CIT: variants seen among roughly 807,000 people sequenced by gnomAD.
CIT encodes the protein citron rho-interacting serine/threonine kinase, also known as citron Rho-interacting kinase.
CIT carries 79 observed loss-of-function variants against 272.7 expected under a neutral mutation model. The observed-to-expected ratio is 0.29, with a 90% CI of 0.24 to 0.35. CIT has a LOEUF of 0.35. Among genes scored for constraint, CIT ranks in the 10% least tolerant of loss-of-function variants. The pLI is 1.00. For synonymous variants in CIT, 948 were observed against 995.6 expected, an observed-to-expected ratio of 0.95 and a Z score of 0.90; for missense variants, 1,909 against 2,618.3, an observed-to-expected ratio of 0.73 and a Z score of 5.91.
rs1182688384 is a variant in CIT at position 119,805,314 on chromosome 12, TCA to T, written c.1112-1927_1112-1926del. Among the ~76,000 whole-genome samples, 5 of 152,344 alleles carry T rather than the reference TCA, an allele frequency of 3.3e-5. No homozygotes were observed. The East Asian group carries it at 9.6e-4, about 29-fold the overall frequency. The stretch of plus-strand genomic sequence containing the variant: ...GTAAGTCACTTAACCTCTCTGAACC[TCA>T]GTTTTCAACATGGCAATATCTATTT... On this transcript the variant is annotated intron_variant, in intron 9 of 47. Coordinates refer to ENST00000392521, the MANE Select transcript of CIT (RefSeq NM_001206999.2).
intron 10 of CIT, among the ~76,000 whole-genome samples, chr12:119,802,754 C>A (rs148265233): frequency 5.5e-4 from 84 of 152,314 alleles, no homozygotes; most frequent in South Asian, 1.0e-3. Context: ...AAACCTCTAG[C>A]TTATGAGACA....
chr12:119,742,514 T>C, intron 23 of CIT, 50 bp from the exon 24 acceptor site: 1 of 1,410,646 alleles, frequency 7.1e-7, no homozygotes, highest in Non-Finnish European at 9.9e-7. Context: ...AGAATACAAT[T>C]CTACATGCTA....
At chr12:119,803,612 G>A in intron 9 of CIT, 1 of 389,590 alleles carries the variant, frequency 2.6e-6, no homozygotes, top group Non-Finnish European at 4.6e-6. Flanking sequence ...TCCCGCCTGG[G>A]GTAAACTGAA....
rs1593443819 is a variant in CIT at position 119,713,837 on chromosome 12, G to C, written c.4307-189C>G. ...CAGAAAGGGAAAACAAAAGTGCCAAGTGCTCTTGACCCAGTTTTCCAGGCT... is the reference window on the plus strand; with the variant it reads ...CAGAAAGGGAAAACAAAAGTGCCAACTGCTCTTGACCCAGTTTTCCAGGCT... On this transcript the variant is annotated intron_variant, in intron 33 of 47. Coordinates refer to ENST00000392521, the MANE Select transcript of CIT (RefSeq NM_001206999.2). This position sits in a 1 kb window ranked among gnomAD's most constrained non-coding sequence, Gnocchi z 5.2. 9.2e-6 allele frequency: 6 copies of C among 650,130 alleles called. No homozygotes were observed. The highest frequency in any genetic ancestry group is 1.6e-5 in the Non-Finnish European group (6 of 378,366). The allele number at this position is 650,130 out of a possible 1,614,324, so 40.3% of individuals were successfully genotyped here.
At chr12:119,793,797 C>T (rs1347789124) in intron 10 of CIT, among the ~76,000 whole-genome samples, 1 of 152,202 alleles carries the variant, frequency 6.6e-6, no homozygotes, top group Non-Finnish European at 1.5e-5. Context: ...GTTACTTCTC[C>T]AGTGCCTAGA....
intron 16 of CIT, 111 bp downstream of exon 16, chr12:119,775,675 C>A: frequency 1.3e-6 from 1 of 779,740 alleles, no homozygotes; most frequent in Non-Finnish European, 2.2e-6. Flanking sequence ...TTTTCCTCAG[C>A]GCTGGGTGAC....
intron 28 of CIT, among the ~76,000 whole-genome samples, chr12:119,725,098 A>T (rs953309458): frequency 6.6e-6 from 1 of 152,058 alleles, no homozygotes; most frequent in Non-Finnish European, 1.5e-5. Flanking sequence ...AATTCTTTCA[A>T]TTCTGAGACT....
intron 24 of CIT, among the ~76,000 whole-genome samples, chr12:119,740,421 T>G (rs1303146860): frequency 1.2e-4 from 18 of 152,190 alleles, no homozygotes; most frequent in Non-Finnish European, 2.6e-4. Context: ...TTGGATAACC[T>G]TATTATCCAA....
At position 119,803,368 on chromosome 12, in the gene CIT, G is replaced by A. The variant is rs770112354; in HGVS notation, c.1133C>T (p.Thr378Ile). ...GGAGGTGTCATCGTCAGACTTGAGG[G>A]TGGGAACGAAGGGGGGAGGAGCTGG... is the stretch of plus-strand genomic sequence containing the variant. ...IRNSPPPFVPTLKSDDDTSNF... is the reference protein window; with the variant it reads ...IRNSPPPFVPILKSDDDTSNF... The change falls in exon 10 of 48, where the codon ACC becomes ATC. Residue 378 changes from threonine (T) to isoleucine (I), a missense_variant. Transcript: ENST00000392521. 23 of 1,580,920 alleles carry A rather than the reference G, an allele frequency of 1.5e-5. No homozygotes were observed. Among genetic ancestry groups the A allele is most frequent in the African/African-American group, 2.8e-5 (2 of 72,360 alleles).
chr12:119,869,060 A>G lies in CIT; in HGVS notation c.238T>C (p.Tyr80His), dbSNP rs1391817869. The G allele has an allele frequency of 2.5e-6, 4 of 1,608,494 alleles. No individual in the cohort carries two copies. Among genetic ancestry groups the G allele is most frequent in the Admixed American group, 1.7e-5 (1 of 57,610 alleles). Residue 80 changes from tyrosine (Y) to histidine (H), a missense_variant and splice_region_variant, in exon 3 of 48, where the codon TAT (tyrosine) becomes CAT (histidine). By Grantham distance (83) the Tyr-to-His change is moderately conservative. Coordinates refer to ENST00000392521, the MANE Select transcript of CIT (RefSeq NM_001206999.2). ...IKHVSNFVRK[Y>H]SDTIAELQEL... Reference sequence around the variant, plus strand: ...TCAAGAAAAAGTTCCCCAAACTTACACTTCCGGACAAAGTTGCTCACGTGC... The same window carrying G: ...TCAAGAAAAAGTTCCCCAAACTTACGCTTCCGGACAAAGTTGCTCACGTGC...
chr12:119,744,630 G>GCC (rs1959182908), intron 23 of CIT, among the ~76,000 whole-genome samples: 1 of 150,728 alleles, frequency 6.6e-6, no homozygotes, highest in Admixed American at 6.6e-5. Context: ...GCAGGAGAAT[G>GCC]GTGTGAACCG....
intron 13 of CIT, among the ~76,000 whole-genome samples, chr12:119,779,446 C>T (rs1166400161): frequency 6.6e-6 from 1 of 152,092 alleles, no homozygotes; most frequent in African/African-American, 2.4e-5. Flanking sequence ...AAAACAGTGT[C>T]TTTGACCTAA....
rs1166598424 is a variant in CIT, at chr12:119,686,969, G to GC, written c.*1262dup. ...AGTCACAGTTTCGTGGGGTAGAACC[G>GC]CGCTGGATTGGGTGTGAACAGAGTC... On this transcript the variant is annotated 3_prime_UTR_variant, in exon 48 of 48. Coordinates refer to ENST00000392521, the MANE Select transcript of CIT (RefSeq NM_001206999.2). 1 of 152,716 alleles carries GC rather than the reference G, an allele frequency of 6.5e-6. No individual in the cohort carries two copies. The highest frequency in any genetic ancestry group is 1.5e-5 in the Non-Finnish European group (1 of 68,106). 9.5% of individuals were successfully genotyped at this position (152,716 alleles called of 1,614,324 possible). A position where few individuals can be genotyped will look rare whatever the true frequency, so the allele number is the denominator to read the frequency against.
intron 24 of CIT, among the ~76,000 whole-genome samples, chr12:119,741,468 A>C (rs1010264437): frequency 2.6e-4 from 39 of 152,394 alleles, no homozygotes; most frequent in African/African-American, 9.1e-4. Context: ...TATACTTAAA[A>C]TTACTACATT....
chr12:119,706,005 G>A lies in CIT; in HGVS notation c.5212-1550C>T, dbSNP rs114629419. Among the ~76,000 whole-genome samples, 240 of 146,462 alleles carry A rather than the reference G, an allele frequency of 1.6e-3. 1 individual carries two copies. Among genetic ancestry groups the A allele is most frequent in the African/African-American group, 5.9e-3 (232 of 39,280 alleles). ...CTTGGGAGGCTGAAGAGGGAGAATC[G>A]CTTAAAGCCGGGAGGCAGAGGCTAC... On this transcript the variant is annotated intron_variant, in intron 40 of 47. Coordinates refer to ENST00000392521, the MANE Select transcript of CIT (RefSeq NM_001206999.2).
At chr12:119,816,634 T>C (rs753200435) in intron 9 of CIT, among the ~76,000 whole-genome samples, 8 of 152,224 alleles carry the variant, frequency 5.3e-5, no homozygotes, top group Non-Finnish European at 1.2e-4. Flanking sequence ...ATGATTCCGA[T>C]GCTGCCGGTC....
Position 119,686,122 on chromosome 12 carries a change from A to G in CIT, c.*2110T>C, listed in dbSNP as rs1245232392. On this transcript the variant is annotated 3_prime_UTR_variant, in exon 48 of 48. Coordinates refer to ENST00000392521, the MANE Select transcript of CIT (RefSeq NM_001206999.2). ...TTTTACAATAAAAAAGTAGAAACCA[A>G]TTCAATTTCCTCTTTTTTTTTTTAC... is the stretch of plus-strand genomic sequence containing the variant. The G allele has an allele frequency of 2.0e-5, 3 of 152,302 alleles. No individual in the cohort carries two copies. The highest frequency in any genetic ancestry group is 4.4e-5 in the Non-Finnish European group (3 of 67,994). 9.4% of individuals were successfully genotyped at this position (152,302 alleles called of 1,614,324 possible). A position where few individuals can be genotyped will look rare whatever the true frequency, so the allele number is the denominator to read the frequency against.
In CIT at chr12:119,712,879, TAA is replaced by T; in HGVS notation, c.4580-186_4580-185del. 3.4e-6 allele frequency: 2 copies of T among 583,726 alleles called. No homozygotes were observed. Among genetic ancestry groups the T allele is most frequent in the Non-Finnish European group, 6.0e-6 (2 of 330,702 alleles). The allele number at this position is 583,726 out of a possible 1,614,324, so 36.2% of individuals were successfully genotyped here. A position where few individuals can be genotyped will look rare whatever the true frequency, so the allele number is the denominator to read the frequency against. ...GGCAGAGAGGGAAGATAAAAAAAAA[TAA>T]AGTGTGTCAGATGAGTAGCACAGTC... On this transcript the variant is annotated intron_variant, in intron 35 of 47. Coordinates refer to ENST00000392521, the MANE Select transcript of CIT (RefSeq NM_001206999.2). This position sits in a 1 kb window ranked among gnomAD's most constrained non-coding sequence, Gnocchi z 5.2.
Position 119,691,982 on chromosome 12 carries a change from T to C in CIT, c.5883-1528A>G, listed in dbSNP as rs138370380. 2.0e-3 allele frequency among the ~76,000 whole-genome samples: 299 copies of C among 152,354 alleles called. 2 individuals are homozygous for C. Among genetic ancestry groups the C allele is most frequent in the African/African-American group, 7.0e-3 (290 of 41,584 alleles). ...AAACTTATTTTATGCTAGATATTTT[T>C]AGTATTTAAATTACAATGCAATTAC... On this transcript the variant is annotated intron_variant, in intron 46 of 47. Transcript: ENST00000392521.
Sources: gnomAD v4.1 joint callset for allele counts (sites outside exome capture counted in the v4.1 genomes callset) on GRCh38, gnomAD v4.1.1 for gene constraint, Gnocchi (gnomAD v3.1) non-coding constraint, MANE v1.5 for transcripts, NCBI Gene and HGNC (gene_info 2026-07-23, HGNC 2026-07-21) for gene names.